COG2: variants seen among roughly 807,000 people sequenced by gnomAD.
COG2 encodes the protein component of oligomeric golgi complex 2.
COG2 carries 52 observed loss-of-function variants against 90.6 expected under a neutral mutation model. The ratio of observed to expected loss-of-function variants is 0.57; its 90% CI spans 0.46 to 0.72. The LOEUF (loss-of-function observed/expected upper bound fraction) is 0.72. Among genes scored for constraint, COG2 ranks in the 30% least tolerant of loss-of-function variants. COG2 has a pLI of 0.00. For missense variants in COG2, 829 were observed against 891.2 expected, an observed-to-expected ratio of 0.93 and a Z score of 0.89; for synonymous variants, 337 against 320.4, an observed-to-expected ratio of 1.05 and a Z score of -0.55.
At chr1:230,675,500 A>G (rs1662567999) in intron 9 of COG2, among the ~76,000 whole-genome samples, 1 of 152,226 alleles carries the variant, frequency 6.6e-6, no homozygotes, top group Admixed American at 6.5e-5. Flanking sequence ...TGAAAACAGA[A>G]AGTATTCACT....
intron 5 of COG2, 112 bp from the exon 6 acceptor site, chr1:230,668,564 C>A: frequency 1.5e-6 from 1 of 652,578 alleles, no homozygotes; most frequent in Non-Finnish European, 2.6e-6. Flanking sequence ...AACACTCTGA[C>A]AAAAGTCAAA....
intron 8 of COG2, among the ~76,000 whole-genome samples, chr1:230,674,294 T>C (rs528215931): frequency 6.6e-6 from 1 of 152,310 alleles, no homozygotes; most frequent in Non-Finnish European, 1.5e-5. Flanking sequence ...CACAGAGAAG[T>C]TAAATGATTT....
intron 3 of COG2, chr1:230,661,436 G>A (rs1662176146): frequency 6.6e-6 from 1 of 152,228 alleles, no homozygotes; most frequent in Non-Finnish European, 1.5e-5. Context: ...ACAGAAAAGT[G>A]TGCTACCCTG....
In COG2 at chr1:230,686,985, T is replaced by G. The variant is rs778817613; in HGVS notation, c.1431T>G (p.Pro477=). The change falls in exon 13 of 18, where the codon CCT becomes CCG. Residue 477 remains proline (P), a synonymous_variant. Transcript: ENST00000366669. ...AAAGTCCCAAGGAGATCAAGAAACC[T>G]TTGGTAACTGGTAGCAAAGAACCTT... is the stretch of plus-strand genomic sequence containing the variant. ...SNESPKEIKK[P]LVTGSKEPSI... 1 of 1,603,156 alleles carries G rather than the reference T, an allele frequency of 6.2e-7. No individual in the cohort carries two copies. Among genetic ancestry groups the G allele is most frequent in the South Asian group, 1.1e-5 (1 of 89,392 alleles).
chr1:230,655,693 CTCTGGTAGAATTCAGCTGTGAATCCG>C (rs1485817674), intron 1 of COG2, among the ~76,000 whole-genome samples: 1 of 152,186 alleles, frequency 6.6e-6, no homozygotes, highest in Non-Finnish European at 1.5e-5. Flanking sequence ...CTCTTTGTAC[CTCTGGTAGAATTCAGCTGTGAATCCG>C]TCTGGTCCTG....
intron 8 of COG2, among the ~76,000 whole-genome samples, chr1:230,672,010 C>T (rs565462562): frequency 6.6e-6 from 1 of 152,184 alleles, no homozygotes; most frequent in Non-Finnish European, 1.5e-5. Flanking sequence ...AGGTTTTATA[C>T]TAATTGTGAA....
Position 230,660,005 on chromosome 1 carries a change from A to G in COG2, c.234+380A>G, listed in dbSNP as rs575664818. Reference sequence around the variant, plus strand: ...TTACTTTCAGATACATACGCTAGCCACAGCTAGATTGAGAGAACATTGGCC... The same window carrying G: ...TTACTTTCAGATACATACGCTAGCCGCAGCTAGATTGAGAGAACATTGGCC... On this transcript the variant is annotated intron_variant, in intron 2 of 17. Transcript: ENST00000366669. Among the ~76,000 whole-genome samples, 4 of 152,352 alleles carry G rather than the reference A, an allele frequency of 2.6e-5. No individual in the cohort carries two copies. In the East Asian group the frequency reaches 7.7e-4, roughly 29 times the overall value.
intron 8 of COG2, among the ~76,000 whole-genome samples, chr1:230,674,145 C>A (rs1178218427): frequency 2.6e-5 from 4 of 152,142 alleles, no homozygotes; most frequent in African/African-American, 7.2e-5. Context: ...AAGGAATCTC[C>A]GTTATTTAAC....
At chr1:230,687,792 C>T (rs1206951922) in intron 13 of COG2, among the ~76,000 whole-genome samples, 1 of 152,130 alleles carries the variant, frequency 6.6e-6, no homozygotes, top group African/African-American at 2.4e-5. Context: ...TTACTGTGAG[C>T]TATTTTCGTA....
intron 9 of COG2, 136 bp from the exon 10 acceptor site, chr1:230,678,777 T>C (rs1311953171): frequency 1.3e-6 from 2 of 1,548,308 alleles, no homozygotes; most frequent in African/African-American, 2.7e-5. Context: ...AGAAAGATCT[T>C]GTAAGTTCCT....
intron 8 of COG2, among the ~76,000 whole-genome samples, chr1:230,672,556 C>T (rs1662475887): frequency 6.6e-6 from 1 of 151,990 alleles, no homozygotes; most frequent in African/African-American, 2.4e-5. Context: ...CTTGACCGGG[C>T]GTAGTGGCTC....
rs1373382080 is a variant in COG2, at chr1:230,651,343, A to C, written c.73-8121A>C. ...GTTAAAAGTTCTGTGAAATTTTCTCAGTGTTAAGGATATTGATATTTGGGT... is the reference window on the plus strand; with the variant it reads ...GTTAAAAGTTCTGTGAAATTTTCTCCGTGTTAAGGATATTGATATTTGGGT... On this transcript the variant is annotated intron_variant, in intron 1 of 17. Transcript: ENST00000366669. 2.0e-5 allele frequency among the ~76,000 whole-genome samples: 3 copies of C among 152,190 alleles called. No homozygotes were observed. The East Asian group carries it at 5.8e-4, about 29-fold the overall frequency.
intron 10 of COG2, 99 bp from the exon 11 acceptor site, chr1:230,683,475 C>A: frequency 2.5e-6 from 2 of 800,854 alleles, no homozygotes; most frequent in Non-Finnish European, 4.2e-6. Flanking sequence ...CAGTGAGTGA[C>A]AGAGGAAGTT....
chr1:230,693,218 TTTC>T, intron 17 of COG2, 71 bp from the exon 18 acceptor site: 1 of 887,692 alleles, frequency 1.1e-6, no homozygotes, highest in South Asian at 1.5e-5. Flanking sequence ...GGATGAAGAT[TTTC>T]TTTCTTTTTT....
chr1:230,691,235 A>T, intron 16 of COG2, 149 bp from the exon 17 acceptor site: 1 of 579,168 alleles, frequency 1.7e-6, no homozygotes, highest in Non-Finnish European at 3.0e-6. Context: ...AATGATCTTA[A>T]GAAACTTAAA....
chr1:230,686,105 T>C (rs961118593), intron 12 of COG2, among the ~76,000 whole-genome samples: 3 of 152,228 alleles, frequency 2.0e-5, no homozygotes, highest in African/African-American at 7.2e-5. Flanking sequence ...TCTGTGGACC[T>C]GGAGAAATTA....
Position 230,685,079 on chromosome 1 carries a change from C to T in COG2, c.1229-6C>T, listed in dbSNP as rs1489773702. Reference sequence around the variant, plus strand: ...TAAATGTGTGTTGTTGTTGTTTTTTCTCTAGCTGAAAGTCCGTATTGCCTT... The same window carrying T: ...TAAATGTGTGTTGTTGTTGTTTTTTTTCTAGCTGAAAGTCCGTATTGCCTT... On this transcript the variant is annotated splice_polypyrimidine_tract_variant and splice_region_variant and intron_variant, in intron 11 of 17. Coordinates refer to ENST00000366669, the MANE Select transcript of COG2 (RefSeq NM_007357.3). The T allele has an allele frequency of 6.2e-7, 1 of 1,612,558 alleles. No homozygotes were observed. The highest frequency in any genetic ancestry group is 1.7e-5 in the Admixed American group (1 of 59,656).
intron 8 of COG2, 116 bp from the exon 9 acceptor site, chr1:230,674,882 A>T (rs1662545586): frequency 7.7e-6 from 6 of 782,596 alleles, no homozygotes; most frequent in Admixed American, 6.0e-5. Context: ...CGGTTTTTTT[A>T]AAAAGTTGAA....
chr1:230,686,897 T>A lies in COG2; in HGVS notation c.1381-38T>A, dbSNP rs768883613. The A allele has an allele frequency of 1.1e-5, 14 of 1,322,494 alleles. No individual in the cohort carries two copies. In the South Asian group the frequency reaches 2.2e-4, roughly 21 times the overall value. 81.9% of individuals were successfully genotyped at this position (1,322,494 alleles called of 1,614,324 possible). ...ATATATAAATGCTCATGTATCTTGC[T>A]AGTGTGAAAGTAGTTAATCAGTGAA... On this transcript the variant is annotated intron_variant, in intron 12 of 17. Transcript: ENST00000366669.
Sources: allele counts gnomAD v4.1 joint callset (sites outside exome capture counted in the v4.1 genomes callset), GRCh38; gene constraint gnomAD v4.1.1; transcripts MANE v1.5; gene names NCBI Gene and HGNC (gene_info 2026-07-23, HGNC 2026-07-21).